The following ATP8A2 variants were observed in gnomAD, a reference collection of about 807,000 sequenced individuals.
The protein encoded by ATP8A2 is ATPase phospholipid transporting 8A2.
ATP8A2 carries 100 observed loss-of-function variants against 165.6 expected under a neutral mutation model. The observed-to-expected ratio is 0.60, with a 90% CI of 0.51 to 0.71. The LOEUF is 0.71. Ranked by LOEUF, ATP8A2 falls within the 30% of genes least tolerant of loss-of-function variation. The probability of loss-of-function intolerance (pLI) is 0.00; values close to 1 mark genes in which losing one functional copy is unlikely to be tolerated. For missense variants in ATP8A2, 1,227 were observed against 1,479.5 expected (o/e 0.83, Z 2.80); for synonymous variants, 543 against 548.8 (o/e 0.99, Z 0.15).
intron 24 of ATP8A2, among the ~76,000 whole-genome samples, chr13:25,682,536 C>G (rs1179692954): frequency 6.6e-6 from 1 of 152,164 alleles, no homozygotes; most frequent in East Asian, 1.9e-4. Context: ...TGCGAGTTTT[C>G]TCTTGACGGG....
At chr13:25,901,233 A>G (rs540637057) in intron 33 of ATP8A2, among the ~76,000 whole-genome samples, 4 of 152,284 alleles carry the variant, frequency 2.6e-5, no homozygotes, top group African/African-American at 9.6e-5. Context: ...GCCGATGAAT[A>G]GTGCTGGGTC....
At chr13:25,587,185 C>G (rs955798680) in intron 23 of ATP8A2, among the ~76,000 whole-genome samples, 1 of 151,834 alleles carries the variant, frequency 6.6e-6, no homozygotes, top group East Asian at 1.9e-4. Flanking sequence ...TCAAGCACAC[C>G]AAATGTGGAT....
intron 35 of ATP8A2, among the ~76,000 whole-genome samples, chr13:25,980,167 G>T (rs758447681): frequency 1.3e-5 from 2 of 152,144 alleles, no homozygotes; most frequent in African/African-American, 4.8e-5. Flanking sequence ...CTTCCTTCCC[G>T]CTGGGTGTGG....
chr13:25,780,222 T>C (rs1374752078), intron 27 of ATP8A2, among the ~76,000 whole-genome samples: 2 of 152,224 alleles, frequency 1.3e-5, no homozygotes, highest in Non-Finnish European at 2.9e-5. Context: ...TGCCAAATTA[T>C]TTTTGAAATA....
chr13:25,925,547 A>C (rs1282918595), intron 33 of ATP8A2, among the ~76,000 whole-genome samples: 2 of 151,976 alleles, frequency 1.3e-5, no homozygotes, highest in Non-Finnish European at 2.9e-5. Flanking sequence ...AAAAAAAAAA[A>C]AACAAAATTG....
intron 25 of ATP8A2, among the ~76,000 whole-genome samples, chr13:25,752,537 C>G (rs937494802): frequency 6.6e-6 from 1 of 152,160 alleles, no homozygotes; most frequent in Non-Finnish European, 1.5e-5. Flanking sequence ...TATTGTTCAT[C>G]AGCAGGTCCT....
At chr13:25,665,603 G>A (rs9551216) in intron 24 of ATP8A2, among the ~76,000 whole-genome samples, 150,712 of 152,160 alleles carry the variant, frequency 0.99, 74,657 homozygotes, top group East Asian at 1. Flanking sequence ...CCTGTGCCAT[G>A]TAAGAGCCTC....
intron 24 of ATP8A2, among the ~76,000 whole-genome samples, chr13:25,634,909 G>A (rs74041050): frequency 0.035 from 5,311 of 152,202 alleles, 289 homozygotes; most frequent in African/African-American, 0.12. Flanking sequence ...TTTAGAAACC[G>A]TAAGAACAAT....
rs963652639 is a variant in ATP8A2, at chr13:25,573,643, A to G, written c.1663-1165A>G. Among the ~76,000 whole-genome samples, 3 of 151,702 alleles carry G rather than the reference A, an allele frequency of 2.0e-5. No homozygotes were observed. The East Asian group carries it at 5.8e-4, about 29-fold the overall frequency. On this transcript the variant is annotated intron_variant, in intron 18 of 36. Transcript: ENST00000381655. Reference sequence around the variant, plus strand: ...CAGAACAGCCACATCCATGGGCTGCATGTGGACGTGGTTGATATAACTGTG... The same window carrying G: ...CAGAACAGCCACATCCATGGGCTGCGTGTGGACGTGGTTGATATAACTGTG...
At chr13:25,589,777 G>T in intron 24 of ATP8A2, 78 bp downstream of exon 24, 1 of 882,490 alleles carries the variant, frequency 1.1e-6, no homozygotes, top group South Asian at 1.7e-5. Flanking sequence ...TTGATAATCA[G>T]GGATCATGTT....
chr13:25,771,262 G>C (rs1401689687), intron 26 of ATP8A2, among the ~76,000 whole-genome samples: 1 of 152,168 alleles, frequency 6.6e-6, no homozygotes. Context: ...AGAAAACAAC[G>C]GACCTGAGTG....
chr13:25,544,910 G>GTTTT (rs5802339), intron 10 of ATP8A2, among the ~76,000 whole-genome samples: 5 of 136,138 alleles, frequency 3.7e-5, no homozygotes, highest in Non-Finnish European at 3.1e-5. Flanking sequence ...TTATGAGTGA[G>GTTTT]TTTTTTTTTT....
intron 22 of ATP8A2, among the ~76,000 whole-genome samples, chr13:25,580,887 C>A (rs1309274213): frequency 6.6e-6 from 1 of 151,978 alleles, no homozygotes; most frequent in African/African-American, 2.4e-5. Context: ...GTTTTCATTC[C>A]TTTGTTGGTT....
At chr13:25,994,368 C>A (rs926262821) in intron 35 of ATP8A2, among the ~76,000 whole-genome samples, 22 of 151,866 alleles carry the variant, frequency 1.4e-4, no homozygotes, top group African/African-American at 5.1e-4. Context: ...TTTTTTATTT[C>A]CTTTTCTTGT....
intron 30 of ATP8A2, among the ~76,000 whole-genome samples, chr13:25,850,386 C>T (rs1455078003): frequency 6.6e-6 from 1 of 150,380 alleles, no homozygotes. Context: ...TAGCCCCACC[C>T]CCACCTCATC....
rs1382387125 is a variant in ATP8A2 at position 25,468,724 on chromosome 13, CGGGGCTCGCTCCACAAGCGCCA to C, written c.77-247_77-226del. On this transcript the variant is annotated intron_variant, in intron 1 of 36. Transcript: ENST00000381655. ...GGAGCTGGGGGCGGCTCTCCCGGGG[CGGGGCTCGCTCCACAAGCGCCA>C]GGGGCCGCGCGGGGCGTGGGCGTGG... 79 of 576,964 alleles carry C rather than the reference CGGGGCTCGCTCCACAAGCGCCA, an allele frequency of 1.4e-4. No individual in the cohort carries two copies. The Middle Eastern group carries it at 2.6e-3, about 19-fold the overall frequency. 35.7% of individuals were successfully genotyped at this position (576,964 alleles called of 1,614,324 possible). A position where few individuals can be genotyped will look rare whatever the true frequency, so the allele number is the denominator to read the frequency against.
intron 1 of ATP8A2, among the ~76,000 whole-genome samples, chr13:25,385,916 AT>A (rs763105009): frequency 0.015 from 2,004 of 133,302 alleles, 36 homozygotes; most frequent in African/African-American, 0.045. Context: ...TTGGGCTTAA[AT>A]TTTTTTTTTT....
chr13:25,784,289 C>T (rs939999685), intron 27 of ATP8A2, among the ~76,000 whole-genome samples: 3 of 152,162 alleles, frequency 2.0e-5, no homozygotes, highest in African/African-American at 7.2e-5. Context: ...CCAGGGCTCA[C>T]GTGAACTTTG....
intron 27 of ATP8A2, among the ~76,000 whole-genome samples, chr13:25,791,328 T>C (rs1465259991): frequency 1.3e-5 from 2 of 152,000 alleles, no homozygotes; most frequent in East Asian, 1.9e-4. Context: ...AGGAGCTAAA[T>C]GATAAGAACA....
Sources: allele counts gnomAD v4.1 joint callset (sites outside exome capture counted in the v4.1 genomes callset), GRCh38; gene constraint gnomAD v4.1.1; transcripts MANE v1.5; gene names NCBI Gene and HGNC (gene_info 2026-07-23, HGNC 2026-07-21).